Variants in CSMD1 observed in about 807,000 individuals in gnomAD.
CSMD1 encodes the protein CUB and Sushi multiple domains 1.
Under a neutral mutation model 417.5 loss-of-function variants are expected in CSMD1, and 213 were observed. The ratio of observed to expected loss-of-function variants is 0.51; its 90% CI spans 0.46 to 0.57. CSMD1 has a LOEUF of 0.57. Among genes scored for constraint, CSMD1 ranks in the 20% least tolerant of loss-of-function variants. The probability of loss-of-function intolerance (pLI) is 0.00; values close to 1 mark genes in which losing one functional copy is unlikely to be tolerated. For synonymous variants in CSMD1, 2,862 were observed against 1,736.8 expected (o/e 1.65, Z -16.11); for missense variants, 6,923 against 4,529.7 (o/e 1.53, Z -15.17).
At chr8:3,445,927 TACAGAGAG>T (rs1815275111) in intron 12 of CSMD1, among the ~76,000 whole-genome samples, 1 of 152,114 alleles carries the variant, frequency 6.6e-6, no homozygotes, top group South Asian at 2.1e-4. Flanking sequence ...AAGAAGATTG[TACAGAGAG>T]ACAGAGAGGC....
At chr8:3,050,540 T>G (rs1811753181) in intron 50 of CSMD1, among the ~76,000 whole-genome samples, 1 of 152,194 alleles carries the variant, frequency 6.6e-6, no homozygotes, top group Non-Finnish European at 1.5e-5. Flanking sequence ...GTTCCTATTT[T>G]GAGAGAATAG....
chr8:4,788,339 T>C (rs71523645), intron 1 of CSMD1: 20,511 of 1,540,302 alleles, frequency 0.013, 164 homozygotes, highest in Non-Finnish European at 0.017. Context: ...CTGGGAACAC[T>C]GCATATCCAG....
chr8:3,976,337 A>G (rs987301268), intron 5 of CSMD1, among the ~76,000 whole-genome samples: 1 of 152,184 alleles, frequency 6.6e-6, no homozygotes, highest in African/African-American at 2.4e-5. Context: ...TTTAATTACT[A>G]AAACTGAAAG....
intron 3 of CSMD1, among the ~76,000 whole-genome samples, chr8:4,321,594 C>T (rs896124170): frequency 1.9e-4 from 29 of 152,230 alleles, no homozygotes; most frequent in Middle Eastern, 3.4e-3. Context: ...TGGTATATAA[C>T]AGGCACCAAA....
intron 2 of CSMD1, among the ~76,000 whole-genome samples, chr8:4,593,228 G>A (rs757691880): frequency 1.3e-5 from 2 of 152,214 alleles, no homozygotes; most frequent in Non-Finnish European, 2.9e-5. Context: ...CTGCTGAAAA[G>A]CAAGGTTAAT....
intron 12 of CSMD1, among the ~76,000 whole-genome samples, chr8:3,417,769 T>C (rs978614864): frequency 2.0e-5 from 3 of 152,328 alleles, no homozygotes; most frequent in East Asian, 3.9e-4. Context: ...AACTAATTGA[T>C]ATATTTTCAT....
intron 2 of CSMD1, among the ~76,000 whole-genome samples, chr8:4,467,626 T>G (rs1276994875): frequency 6.6e-6 from 1 of 152,226 alleles, no homozygotes; most frequent in East Asian, 1.9e-4. Flanking sequence ...TTCTTTTCAG[T>G]TTTCTGAAAT....
chr8:3,476,474 A>T (rs1817430555), intron 11 of CSMD1, among the ~76,000 whole-genome samples: 1 of 152,302 alleles, frequency 6.6e-6, no homozygotes, highest in African/African-American at 2.4e-5. Context: ...TCTGGGCCAT[A>T]TGATTGATGT....
chr8:4,827,983 C>T (rs1013708489), intron 1 of CSMD1, among the ~76,000 whole-genome samples: 2 of 152,148 alleles, frequency 1.3e-5, no homozygotes, highest in Non-Finnish European at 2.9e-5. Context: ...TTAACCATCA[C>T]ATAATAAACT....
chr8:4,511,266 A>G (rs979382443), intron 2 of CSMD1, among the ~76,000 whole-genome samples: 1 of 152,168 alleles, frequency 6.6e-6, no homozygotes, highest in Non-Finnish European at 1.5e-5. Flanking sequence ...GCCGATTTCC[A>G]GAAATAGTCC....
intron 58 of CSMD1, 64 bp from the exon 59 acceptor site, chr8:2,966,018 A>G (rs1803923819): frequency 2.9e-6 from 4 of 1,399,430 alleles, no homozygotes; most frequent in South Asian, 2.5e-5. Flanking sequence ...ATTAGTCACC[A>G]TTTCTATTCA....
At chr8:4,278,959 T>A (rs1387035593) in intron 3 of CSMD1, among the ~76,000 whole-genome samples, 1 of 152,216 alleles carries the variant, frequency 6.6e-6, no homozygotes, top group Non-Finnish European at 1.5e-5. Flanking sequence ...ATTAACATTA[T>A]GTCCATATAT....
intron 3 of CSMD1, among the ~76,000 whole-genome samples, chr8:4,391,964 C>T (rs1016058030): frequency 1.3e-5 from 2 of 152,150 alleles, no homozygotes; most frequent in African/African-American, 4.8e-5. Context: ...GAGCAGAAAG[C>T]ACATTAAAAG....
At chr8:3,844,579 G>T (rs1278086742) in intron 5 of CSMD1, among the ~76,000 whole-genome samples, 10 of 152,104 alleles carry the variant, frequency 6.6e-5, no homozygotes, top group Admixed American at 3.3e-4. Flanking sequence ...ATAACTAGAG[G>T]CCAATGTCAT....
chr8:3,064,628 G>T (rs1003984678), intron 49 of CSMD1, among the ~76,000 whole-genome samples: 1 of 152,182 alleles, frequency 6.6e-6, no homozygotes, highest in Non-Finnish European at 1.5e-5. Flanking sequence ...TGATCCAAAC[G>T]TGGAAGGTTG....
chr8:3,981,686 C>G (rs1241142306), intron 5 of CSMD1, among the ~76,000 whole-genome samples: 1 of 151,960 alleles, frequency 6.6e-6, no homozygotes, highest in African/African-American at 2.4e-5. Context: ...GTTAATTGTG[C>G]CCCAAAGAAA....
Position 3,307,801 on chromosome 8 carries a change from G to A in CSMD1, c.3844C>T (p.His1282Tyr), listed in dbSNP as rs1482502744. The A allele has an allele frequency of 6.2e-7, 1 of 1,613,276 alleles. No individual in the cohort carries two copies. Among genetic ancestry groups the A allele is most frequent in the Admixed American group, 1.7e-5 (1 of 59,954 alleles). The change falls in exon 25 of 70, where the codon CAT becomes TAT. Residue 1282 changes from histidine (H) to tyrosine (Y), a missense_variant. Transcript: ENST00000635120. ...SCIAECGGQI[H>Y]AATSGRILSP... is the part of the protein sequence containing the mutation. ...AATATTCGTCCTGATGTGGCTGCAT[G>A]GATCTGACCACCACATTCCGCTGTA...
intron 2 of CSMD1, among the ~76,000 whole-genome samples, chr8:4,472,995 C>A (rs1257317028): frequency 6.6e-6 from 1 of 151,806 alleles, no homozygotes; most frequent in Admixed American, 6.6e-5. Flanking sequence ...TTTATATGTA[C>A]ACATAAATTA....
At chr8:3,053,515 T>C (rs6420213) in intron 49 of CSMD1, among the ~76,000 whole-genome samples, 149,481 of 152,248 alleles carry the variant, frequency 0.98, 73,453 homozygotes, top group Middle Eastern at 1. Context: ...ACATAAGGAA[T>C]TGATAGAGGA....
Sources: allele counts gnomAD v4.1 joint callset (sites outside exome capture counted in the v4.1 genomes callset), GRCh38; gene constraint gnomAD v4.1.1; transcripts MANE v1.5; gene names NCBI Gene and HGNC (gene_info 2026-07-23, HGNC 2026-07-21).